Variants in KHNYN observed in about 807,000 individuals in gnomAD.
KHNYN encodes the protein KH and NYN domain containing, also known as protein KHNYN.
KHNYN carries 42 observed loss-of-function variants against 62.7 expected under a neutral mutation model. The ratio of observed to expected loss-of-function variants is 0.67; its 90% CI spans 0.52 to 0.87. KHNYN has a LOEUF of 0.87. Ranked by LOEUF, KHNYN falls within the 40% of genes least tolerant of loss-of-function variation. The pLI is 0.00. For synonymous variants in KHNYN, 347 were observed against 345.6 expected (o/e 1.00, Z -0.04); for missense variants, 829 against 874.1 (o/e 0.95, Z 0.65).
At chr14:24,434,213 TTG>T in intron 5 of KHNYN, 1 of 985,426 alleles carries the variant, frequency 1.0e-6, no homozygotes, top group Non-Finnish European at 1.2e-6. Flanking sequence ...GTCTGCCCAG[TTG>T]TGTGGGACCT....
At chr14:24,434,429 G>A (rs940201065) in intron 5 of KHNYN, 4 of 938,072 alleles carry the variant, frequency 4.3e-6, no homozygotes, top group South Asian at 4.9e-5. Flanking sequence ...TTTTTGAGAC[G>A]GAGCCTTGCT....
chr14:24,440,773 C>CGT lies in KHNYN; in HGVS notation c.*3489_*3490dup, dbSNP rs1566506631. 1 of 1,613,342 alleles carries CGT rather than the reference C, an allele frequency of 6.2e-7. No homozygotes were observed. The highest frequency in any genetic ancestry group is 1.7e-5 in the Admixed American group (1 of 59,898). On this transcript the variant is annotated 3_prime_UTR_variant, in exon 8 of 8. Transcript: ENST00000553935. The stretch of plus-strand genomic sequence containing the variant: ...TCCAACCCTGTCTGATACCCAGGCC[C>CGT]GTTTCTCACCTGAGCGCACCACCAC...
At chr14:24,431,004 G>C in intron 2 of KHNYN, 73 bp downstream of exon 2, 35 of 1,400,426 alleles carry the variant, frequency 2.5e-5, no homozygotes, top group Non-Finnish European at 3.4e-5. Flanking sequence ...GAGCAGGGCC[G>C]AGGAGAGCAG....
In KHNYN at chr14:24,430,012, C is replaced by A; in HGVS notation, c.-125C>A. ...GCTGGGTGAGGAACCCGGGAAGGCC[C>A]GCCCAGATTCGGGCCCCCTGCCCTT... On this transcript the variant is annotated 5_prime_UTR_variant, in exon 1 of 8. Coordinates refer to ENST00000553935, the MANE Select transcript of KHNYN (RefSeq NM_015299.3). 1.0e-6 allele frequency: 1 copy of A among 985,742 alleles called. No individual in the cohort carries two copies. Among genetic ancestry groups the A allele is most frequent in the Non-Finnish European group, 1.2e-6 (1 of 830,046 alleles). 61.1% of individuals were successfully genotyped at this position (985,742 alleles called of 1,614,324 possible).
At position 24,440,099 on chromosome 14, in the gene KHNYN, T is replaced by C. The variant is rs200170657; in HGVS notation, c.*2814T>C. On this transcript the variant is annotated 3_prime_UTR_variant, in exon 8 of 8. Coordinates refer to ENST00000553935, the MANE Select transcript of KHNYN (RefSeq NM_015299.3). ...ACGACCTACTTAGGCTACAATTTCC[T>C]TTAAGGCAGCCCCTAGCTCTGGGAA... The C allele has an allele frequency of 5.1e-4, 811 of 1,602,794 alleles. 5 individuals carry two copies. The African/African-American group carries it at 9.9e-3, about 20-fold the overall frequency.
chr14:24,429,477 C>T, upstream of KHNYN: 2 of 472,020 alleles, frequency 4.2e-6, no homozygotes, highest in Admixed American at 5.0e-5. Flanking sequence ...CCCTCAACCC[C>T]TTCCTCCTAC....
chr14:24,440,782 C>T lies in KHNYN; in HGVS notation c.*3497C>T, dbSNP rs752454938. On this transcript the variant is annotated 3_prime_UTR_variant, in exon 8 of 8. Transcript: ENST00000553935. ...GTCTGATACCCAGGCCCGTTTCTCACCTGAGCGCACCACCACCTGGCGTGT... is the reference window on the plus strand; with the variant it reads ...GTCTGATACCCAGGCCCGTTTCTCATCTGAGCGCACCACCACCTGGCGTGT... 5.6e-6 allele frequency: 9 copies of T among 1,613,832 alleles called. No individual in the cohort carries two copies. Among genetic ancestry groups the T allele is most frequent in the South Asian group, 1.1e-5 (1 of 91,078 alleles).
At chr14:24,436,017 G>A in intron 5 of KHNYN, 55 bp from the exon 6 acceptor site, 1 of 1,306,608 alleles carries the variant, frequency 7.7e-7, no homozygotes, top group South Asian at 1.2e-5. Flanking sequence ...AGTGAACATT[G>A]TACCCAGTAG....
At chr14:24,429,600 G>C, upstream of KHNYN, 1 of 887,766 alleles carries the variant, frequency 1.1e-6, no homozygotes, top group Admixed American at 3.7e-5. Context: ...CCCGCCTCCC[G>C]CCTACCCCCT....
At chr14:24,424,406 C>G (rs1250514489), upstream of KHNYN, among the ~76,000 whole-genome samples, 1 of 152,160 alleles carries the variant, frequency 6.6e-6, no homozygotes, top group East Asian at 1.9e-4. Flanking sequence ...TAGCTGCATG[C>G]CTTTTCTCTA....
chr14:24,437,459 C>G lies in KHNYN; in HGVS notation c.*174C>G, dbSNP rs1031202657. On this transcript the variant is annotated 3_prime_UTR_variant, in exon 8 of 8. Transcript: ENST00000553935. The surrounding 1 kb of genome is among the most constrained non-coding windows in gnomAD (Gnocchi z 5.5). The stretch of plus-strand genomic sequence containing the variant: ...ATAAAGTGAACTGATCTTACCGAGT[C>G]AGGACCTCAGCCAGCTCTCAAGAGG... 7.2e-6 allele frequency: 5 copies of G among 692,306 alleles called. No individual in the cohort carries two copies. The highest frequency in any genetic ancestry group is 1.8e-5 in the African/African-American group (1 of 55,194). 42.9% of individuals were successfully genotyped at this position (692,306 alleles called of 1,614,324 possible).
chr14:24,432,175 A>AGGCCCTGGGGAAGGAGGAGAT lies in KHNYN; in HGVS notation c.915_935dup (p.Glu311_Ile312insMetAlaLeuGlyLysGluGlu). 6.4e-7 allele frequency: 1 copy of AGGCCCTGGGGAAGGAGGAGAT among 1,566,820 alleles called. No homozygotes were observed. Among genetic ancestry groups the AGGCCCTGGGGAAGGAGGAGAT allele is most frequent in the South Asian group, 1.2e-5 (1 of 83,604 alleles). ...AGGGAGTCAGCACCCCTGAAAGGGA[A>AGGCCCTGGGGAAGGAGGAGAT]GGCCCTGGGGAAGGAGGAGATAGCT... On this transcript the variant is annotated inframe_insertion, in exon 3 of 8. Coordinates refer to ENST00000553935, the MANE Select transcript of KHNYN (RefSeq NM_015299.3). This position sits in a 1 kb window ranked among gnomAD's most constrained non-coding sequence, Gnocchi z 5.6.
rs1239523323 is a variant in KHNYN at position 24,439,213 on chromosome 14, A to T, written c.*1928A>T. On this transcript the variant is annotated 3_prime_UTR_variant, in exon 8 of 8. Transcript: ENST00000553935. ...TTTTTTTTTCCTGATAGGGTTGTTT[A>T]TACTTCTTGATTGGTTTCTTGCCAT... The T allele has an allele frequency of 6.6e-6, 1 of 151,234 alleles. No individual in the cohort carries two copies. Among genetic ancestry groups the T allele is most frequent in the Non-Finnish European group, 1.5e-5 (1 of 67,816 alleles). 9.4% of individuals were successfully genotyped at this position (151,234 alleles called of 1,614,324 possible).
chr14:24,425,913 A>C (rs550312701), upstream of KHNYN, among the ~76,000 whole-genome samples: 6 of 152,360 alleles, frequency 3.9e-5, no homozygotes, highest in East Asian at 1.9e-4. Flanking sequence ...TCTTCTTGGA[A>C]TTATTCACAG....
chr14:24,433,367 C>G (rs756548897), intron 5 of KHNYN, among the ~76,000 whole-genome samples: 13 of 152,168 alleles, frequency 8.5e-5, no homozygotes, highest in Non-Finnish European at 1.6e-4. Context: ...CTTCTTATAA[C>G]CTGAATTTCC....
chr14:24,437,107 G>C lies in KHNYN; in HGVS notation c.1859G>C (p.Arg620Thr). Residue 620 changes from arginine to threonine, a missense_variant, in exon 8 of 8, where the codon AGA (arginine) becomes ACA (threonine). Arg to Thr is a moderately conservative substitution (Grantham distance 71, BLOSUM62 -1). Coordinates refer to ENST00000553935, the MANE Select transcript of KHNYN (RefSeq NM_015299.3). The surrounding 1 kb of genome is among the most constrained non-coding windows in gnomAD (Gnocchi z 5.5). The part of the protein sequence containing the change: ...FAEHGKQQQG[R>T]EEEKGSGGIR... Reference sequence around the variant, plus strand: ...GAACATGGTAAACAGCAGCAGGGGAGAGAAGAGGAAAAAGGTAGTGGTGGC... The same window carrying C: ...GAACATGGTAAACAGCAGCAGGGGACAGAAGAGGAAAAAGGTAGTGGTGGC... 2 of 1,614,226 alleles carry C rather than the reference G, an allele frequency of 1.2e-6. No homozygotes were observed. Among genetic ancestry groups the C allele is most frequent in the Middle Eastern group, 3.3e-4 (2 of 6,062 alleles).
intron 5 of KHNYN, 23 bp downstream of exon 5, chr14:24,433,055 C>T (rs1410176082): frequency 6.3e-7 from 1 of 1,597,762 alleles, no homozygotes; most frequent in Admixed American, 1.7e-5. Context: ...CTCCTGGCCC[C>T]AGGCTTGATA....
rs1351919236 is a variant in KHNYN, at chr14:24,441,780, G to T, written c.*4495G>T. 6.2e-7 allele frequency: 1 copy of T among 1,604,916 alleles called. No homozygotes were observed. Among genetic ancestry groups the T allele is most frequent in the Admixed American group, 1.8e-5 (1 of 56,910 alleles). Reference sequence around the variant, plus strand: ...GGCGGCTGCCGATTACCTCTTTTTGGAAGGTTTCATTCCATCTGCAGGAGA... The same window carrying T: ...GGCGGCTGCCGATTACCTCTTTTTGTAAGGTTTCATTCCATCTGCAGGAGA... On this transcript the variant is annotated 3_prime_UTR_variant, in exon 8 of 8. Transcript: ENST00000553935.
chr14:24,436,309 T>C lies in KHNYN; in HGVS notation c.1686-79T>C. On this transcript the variant is annotated intron_variant, in intron 6 of 7. Coordinates refer to ENST00000553935, the MANE Select transcript of KHNYN (RefSeq NM_015299.3). Reference sequence around the variant, plus strand: ...TTCTTGAAGGATGGAGCCAGCAGCTTCTGGTGATACTGGTCTCGGTTGTCT... The same window carrying C: ...TTCTTGAAGGATGGAGCCAGCAGCTCCTGGTGATACTGGTCTCGGTTGTCT... The C allele has an allele frequency of 2.8e-6, 4 of 1,438,244 alleles. No individual in the cohort carries two copies. The South Asian group carries it at 4.6e-5, about 17-fold the overall frequency. 89.1% of individuals were successfully genotyped at this position (1,438,244 alleles called of 1,614,324 possible).
Sources: allele counts gnomAD v4.1 joint callset (sites outside exome capture counted in the v4.1 genomes callset), GRCh38; gene constraint gnomAD v4.1.1; non-coding constraint Gnocchi (gnomAD v3.1); transcripts MANE v1.5; gene names NCBI Gene and HGNC (gene_info 2026-07-23, HGNC 2026-07-21).